The following ISM1 variants were observed in gnomAD, a reference collection of about 807,000 sequenced individuals.
ISM1 encodes isthmin 1.
Under a neutral mutation model 46.3 loss-of-function variants are expected in ISM1, and 25 were observed. That is an observed-to-expected ratio of 0.54 (90% CI 0.39 to 0.75). ISM1 has a LOEUF of 0.75. Ranked by LOEUF, ISM1 falls within the 30% of genes least tolerant of loss-of-function variation. The pLI is 0.00. For missense variants in ISM1, 536 were observed against 625.4 expected (o/e 0.86, Z 1.52); for synonymous variants, 255 against 256.7 (o/e 0.99, Z 0.06).
intron 1 of ISM1, among the ~76,000 whole-genome samples, chr20:13,256,488 C>T (rs945445150): frequency 3.3e-5 from 5 of 151,918 alleles, no homozygotes; most frequent in Non-Finnish European, 5.9e-5. Flanking sequence ...CCTGCCCCCA[C>T]CAGGCAGGTC....
chr20:13,320,506 A>G, the ISM1 span, among the ~76,000 whole-genome samples: 2 of 152,208 alleles, frequency 1.3e-5, no homozygotes, highest in Admixed American at 1.3e-4. Flanking sequence ...TGGCTTTAGA[A>G]AGACCCAAAT....
intron 1 of ISM1, among the ~76,000 whole-genome samples, chr20:13,260,295 C>A (rs1048328818): frequency 2.0e-5 from 3 of 152,184 alleles, no homozygotes; most frequent in African/African-American, 7.2e-5. Flanking sequence ...GCACACAGAG[C>A]TGTACAGGTG....
At chr20:13,263,245 C>T (rs1402724155) in intron 1 of ISM1, among the ~76,000 whole-genome samples, 3 of 152,162 alleles carry the variant, frequency 2.0e-5, no homozygotes, top group Non-Finnish European at 4.4e-5. Context: ...GCTGGTCAGC[C>T]TTGTCATCTG....
At chr20:13,229,165 A>G (rs1194543438) in intron 1 of ISM1, among the ~76,000 whole-genome samples, 5 of 146,720 alleles carry the variant, frequency 3.4e-5, no homozygotes, top group Non-Finnish European at 4.5e-5. Flanking sequence ...TGCATTTTTT[A>G]AAGTTTTTTA....
chr20:13,309,362 A>T, the ISM1 span, among the ~76,000 whole-genome samples: 2 of 152,202 alleles, frequency 1.3e-5, no homozygotes, highest in African/African-American at 4.8e-5. Flanking sequence ...GTATTTGACA[A>T]AATTGAATAT....
At position 13,221,745 on chromosome 20, in the gene ISM1, C is replaced by G; in HGVS notation, c.-32C>G. On this transcript the variant is annotated 5_prime_UTR_variant, in exon 1 of 6. Transcript: ENST00000262487. ...TCACCGCCGCCGCCGCCGGCCGCCG[C>G]GCCGGGTCCTAAAGCCGCGCGTCTC... 7.3e-7 allele frequency: 1 copy of G among 1,366,654 alleles called. No homozygotes were observed. The highest frequency in any genetic ancestry group is 9.4e-7 in the Non-Finnish European group (1 of 1,063,370). The allele number at this position is 1,366,654 out of a possible 1,614,324, so 84.7% of individuals were successfully genotyped here.
Position 13,221,629 on chromosome 20 carries a change from C to G in ISM1, c.-148C>G. On this transcript the variant is annotated 5_prime_UTR_variant, in exon 1 of 6. Transcript: ENST00000262487. ...CACACCCCGCCGCGCCCAGCGCCAG[C>G]CCCGCGGGCCCGGGAAGCGGAGCCC... 1.9e-6 allele frequency: 1 copy of G among 536,078 alleles called. No homozygotes were observed. Among genetic ancestry groups the G allele is most frequent in the Non-Finnish European group, 2.5e-6 (1 of 393,018 alleles). 33.2% of individuals were successfully genotyped at this position (536,078 alleles called of 1,614,324 possible). A position where few individuals can be genotyped will look rare whatever the true frequency, so the allele number is the denominator to read the frequency against.
At chr20:13,272,418 T>C (rs1267683818) in intron 2 of ISM1, among the ~76,000 whole-genome samples, 1 of 152,174 alleles carries the variant, frequency 6.6e-6, no homozygotes, top group Non-Finnish European at 1.5e-5. Flanking sequence ...GTAAGACCTG[T>C]TCCCTCCAAT....
the ISM1 span, among the ~76,000 whole-genome samples, chr20:13,306,715 C>T: frequency 7.6e-4 from 115 of 152,046 alleles, no homozygotes; most frequent in African/African-American, 2.6e-3. Context: ...AGACTCATAC[C>T]ACTGACTTGA....
chr20:13,247,517 G>GGGGGGTGT (rs1183213178), intron 1 of ISM1, among the ~76,000 whole-genome samples: 2 of 139,804 alleles, frequency 1.4e-5, no homozygotes, highest in African/African-American at 5.4e-5. Context: ...CAAAGTGAGG[G>GGGGGGTGT]GTGTGTGTGT....
intron 1 of ISM1, chr20:13,239,644 T>C (rs1007801790): frequency 1.3e-5 from 2 of 152,178 alleles, no homozygotes; most frequent in African/African-American, 4.8e-5. Context: ...GACCGGGGCT[T>C]CATCTGTGCT....
chr20:13,306,676 G>C, the ISM1 span, among the ~76,000 whole-genome samples: 2 of 151,616 alleles, frequency 1.3e-5, no homozygotes, highest in African/African-American at 4.9e-5. Context: ...CATAAGTAAA[G>C]GGAGGTCTTT....
chr20:13,298,773 C>T (rs547722323), intron 5 of ISM1, among the ~76,000 whole-genome samples, 169 bp from the exon 6 acceptor site: 54 of 152,240 alleles, frequency 3.5e-4, no homozygotes, highest in African/African-American at 1.3e-3. Context: ...TGCCAGGGGG[C>T]TGCAGGGGTG....
intron 2 of ISM1, among the ~76,000 whole-genome samples, chr20:13,277,557 C>T (rs1318193314): frequency 6.6e-6 from 1 of 152,172 alleles, no homozygotes; most frequent in East Asian, 1.9e-4. Context: ...TCCCTGTTAC[C>T]ATTACTCTCC....
At chr20:13,268,263 TTC>T (rs909262253) in intron 1 of ISM1, among the ~76,000 whole-genome samples, 16 of 150,960 alleles carry the variant, frequency 1.1e-4, no homozygotes, top group Middle Eastern at 3.4e-3. Context: ...TCCTCTTCTC[TTC>T]TCTCTCGCTC....
At chr20:13,314,524 T>C in the ISM1 span, among the ~76,000 whole-genome samples, 2 of 151,888 alleles carry the variant, frequency 1.3e-5, no homozygotes, top group Non-Finnish European at 2.9e-5. Flanking sequence ...CTGTGCCCTG[T>C]GAAATTAGAC....
rs1371178007 is a variant in ISM1, at chr20:13,221,345, C to T, written c.-432C>T. 6.7e-6 allele frequency among the ~76,000 whole-genome samples: 1 copy of T among 148,424 alleles called. No individual in the cohort carries two copies. Among genetic ancestry groups the T allele is most frequent in the Non-Finnish European group, 1.5e-5 (1 of 66,224 alleles). Reference sequence around the variant, plus strand: ...TGCGGCGCCGCGGCCACATCTGGGGCGCCCATGTGCGCTCGGGGGCTCGGC... The same window carrying T: ...TGCGGCGCCGCGGCCACATCTGGGGTGCCCATGTGCGCTCGGGGGCTCGGC... On this transcript the variant is annotated 5_prime_UTR_variant, in exon 1 of 6. Coordinates refer to ENST00000262487, the MANE Select transcript of ISM1 (RefSeq NM_080826.2).
the ISM1 span, among the ~76,000 whole-genome samples, chr20:13,322,880 G>A: frequency 2.0e-5 from 3 of 152,082 alleles, no homozygotes; most frequent in African/African-American, 4.8e-5. Flanking sequence ...CCCCACCCCC[G>A]CTGCCCTGAC....
rs1232576388 is a variant in ISM1 at position 13,299,898 on chromosome 20, TGTG to T, written c.*443_*445del. On this transcript the variant is annotated 3_prime_UTR_variant, in exon 6 of 6. Coordinates refer to ENST00000262487, the MANE Select transcript of ISM1 (RefSeq NM_080826.2). The surrounding 1 kb of genome is among the most constrained non-coding windows in gnomAD (Gnocchi z 5.8). ...TTAAGCGTAACCTTTTCTCTGGAGT[TGTG>T]GTGAAACTAATCACGTCTGTGAGAG... The T allele has an allele frequency of 1.3e-5, 2 of 156,446 alleles. No homozygotes were observed. The highest frequency in any genetic ancestry group is 4.8e-5 in the African/African-American group (2 of 41,532). 9.7% of individuals were successfully genotyped at this position (156,446 alleles called of 1,614,324 possible).
Sources: gnomAD v4.1 joint callset for allele counts (sites outside exome capture counted in the v4.1 genomes callset) on GRCh38, gnomAD v4.1.1 for gene constraint, Gnocchi (gnomAD v3.1) non-coding constraint, MANE v1.5 for transcripts, NCBI Gene and HGNC (gene_info 2026-07-23, HGNC 2026-07-21) for gene names.